The following MCM9 variants were observed in gnomAD, a reference collection of about 807,000 sequenced individuals.
The protein encoded by MCM9 is DNA helicase MCM9.
In MCM9, 55 loss-of-function variants were observed where a neutral mutation model predicts 72.8. The observed-to-expected ratio is 0.76, with a 90% CI of 0.61 to 0.95. MCM9 has a LOEUF of 0.95. MCM9 is among the 40% of genes least tolerant of loss of function. MCM9 has a pLI of 0.00. For synonymous variants in MCM9, 480 were observed against 503.4 expected (o/e 0.95, Z 0.62); for missense variants, 1,279 against 1,377.0 (o/e 0.93, Z 1.13).
chr6:118,920,244 T>TA (rs952581097), intron 5 of MCM9: 1 of 152,198 alleles, frequency 6.6e-6, no homozygotes, highest in Admixed American at 6.5e-5. Flanking sequence ...TGGGGTTGCT[T>TA]AGCAGGCAAT....
Position 118,907,261 on chromosome 6 carries a change from TACTTA to T in MCM9, c.1150+4384_1150+4388del, listed in dbSNP as rs374076893. The T allele has an allele frequency of 1.4e-3, 880 of 615,830 alleles. 8 individuals are homozygous for T. In the African/African-American group the frequency reaches 0.015, roughly 11 times the overall value. 38.1% of individuals were successfully genotyped at this position (615,830 alleles called of 1,614,324 possible). The stretch of plus-strand genomic sequence containing the variant: ...TACATCTTATTAGTTATATTTAAGG[TACTTA>T]ACTTGAATTATACCTTTGTATATGA... On this transcript the variant is annotated intron_variant, in intron 8 of 13. Transcript: ENST00000619706.
chr6:118,902,776 G>T (rs1407090877), intron 8 of MCM9, among the ~76,000 whole-genome samples: 3 of 152,132 alleles, frequency 2.0e-5, no homozygotes, highest in Admixed American at 6.5e-5. Context: ...CAGCCTAAAG[G>T]TTTTACAGAA....
chr6:118,888,496 G>A (rs1187744508), intron 8 of MCM9, among the ~76,000 whole-genome samples: 1 of 151,960 alleles, frequency 6.6e-6, no homozygotes, highest in Non-Finnish European at 1.5e-5. Flanking sequence ...AAAACAAACA[G>A]ACAAACAAAC....
At chr6:118,831,457 G>T (rs778953167) in intron 9 of MCM9, among the ~76,000 whole-genome samples, 5 of 152,042 alleles carry the variant, frequency 3.3e-5, no homozygotes, top group Non-Finnish European at 4.4e-5. Flanking sequence ...AAATACGGGA[G>T]TGGGCAGAGG....
intron 5 of MCM9, chr6:118,921,745 C>A (rs1223524015): frequency 3.4e-6 from 1 of 293,378 alleles, no homozygotes; most frequent in Admixed American, 5.2e-5. Flanking sequence ...TCCAGTTATG[C>A]CACTTAACTC....
chr6:118,920,024 TTAA>T (rs1481371648), intron 5 of MCM9: 2 of 152,244 alleles, frequency 1.3e-5, no homozygotes, highest in Non-Finnish European at 2.9e-5. Context: ...TCCTTCATTA[TTAA>T]TGACATTTGA....
chr6:118,854,879 T>C (rs146494899), intron 9 of MCM9, among the ~76,000 whole-genome samples: 31 of 152,358 alleles, frequency 2.0e-4, no homozygotes, highest in Non-Finnish European at 3.2e-4. Flanking sequence ...CCTTTTTATA[T>C]AGTATTGGAT....
chr6:118,890,538 T>TA, intron 8 of MCM9, among the ~76,000 whole-genome samples: 1 of 152,380 alleles, frequency 6.6e-6, no homozygotes, highest in African/African-American at 2.4e-5. Context: ...TTTGATTAGT[T>TA]ACCTTTCCTA....
rs1240476868 is a variant in MCM9 at position 118,816,240 on chromosome 6, A to T, written c.2016T>A (p.Thr672=). Residue 672 remains threonine (T), a synonymous_variant, in exon 14 of 14, where the codon ACT becomes ACA. Coordinates refer to ENST00000619706, the MANE Select transcript of MCM9 (RefSeq NM_017696.3). ...QSQPRVLEVE[T]TPGSLRNGPG... ...GACCATTTCTCAAGGATCCTGGAGT[A>T]GTCTCTACCTCCAATACCCGTGGTT... 6.5e-7 allele frequency: 1 copy of T among 1,550,132 alleles called. No homozygotes were observed. Among genetic ancestry groups the T allele is most frequent in the African/African-American group, 1.4e-5 (1 of 73,036 alleles).
intron 8 of MCM9, among the ~76,000 whole-genome samples, chr6:118,904,653 T>C (rs1246574186): frequency 2.0e-5 from 3 of 152,248 alleles, no homozygotes; most frequent in African/African-American, 7.2e-5. Flanking sequence ...CACCTTACAA[T>C]AGCTTGATTT....
chr6:118,881,348 C>T (rs1778273566), intron 8 of MCM9, among the ~76,000 whole-genome samples: 1 of 152,088 alleles, frequency 6.6e-6, no homozygotes. Context: ...TTCCATTTCC[C>T]AACTAGTACC....
chr6:118,861,233 C>T (rs1279665653), intron 8 of MCM9, among the ~76,000 whole-genome samples: 3 of 152,182 alleles, frequency 2.0e-5, no homozygotes, highest in Non-Finnish European at 4.4e-5. Flanking sequence ...AAAGGGAACA[C>T]GATGGTGCCC....
chr6:118,928,400 G>C (rs1451096679), intron 3 of MCM9, among the ~76,000 whole-genome samples: 4 of 152,042 alleles, frequency 2.6e-5, no homozygotes, highest in Non-Finnish European at 4.4e-5. Flanking sequence ...AACAGAGTGA[G>C]ACTCCATCTC....
chr6:118,833,200 C>A (rs1774710012), intron 9 of MCM9, among the ~76,000 whole-genome samples: 1 of 152,126 alleles, frequency 6.6e-6, no homozygotes, highest in African/African-American at 2.4e-5. Flanking sequence ...GAAAAACTTC[C>A]TTCGGCAAAG....
At chr6:118,827,892 T>C in intron 11 of MCM9, 35 bp downstream of exon 11, 1 of 1,543,444 alleles carries the variant, frequency 6.5e-7, no homozygotes, top group Non-Finnish European at 8.8e-7. Flanking sequence ...ACACGCAGCA[T>C]TCAATACAAG....
chr6:118,876,530 A>G (rs912142902), intron 8 of MCM9, among the ~76,000 whole-genome samples: 1 of 152,226 alleles, frequency 6.6e-6, no homozygotes, highest in African/African-American at 2.4e-5. Flanking sequence ...TTGTAAACCT[A>G]AAACTACTCT....
intron 13 of MCM9, among the ~76,000 whole-genome samples, chr6:118,821,871 G>GT (rs1457677012): frequency 1.3e-5 from 2 of 151,898 alleles, no homozygotes; most frequent in Non-Finnish European, 2.9e-5. Flanking sequence ...ATTTCAGTAA[G>GT]TTGATCTTCA....
intron 8 of MCM9, among the ~76,000 whole-genome samples, chr6:118,868,676 C>A (rs1777380597): frequency 6.6e-6 from 1 of 152,206 alleles, no homozygotes; most frequent in Non-Finnish European, 1.5e-5. Context: ...TGCTCATCAT[C>A]ACTGGTCATT....
intron 13 of MCM9, among the ~76,000 whole-genome samples, chr6:118,825,472 G>C (rs1482080006): frequency 6.6e-6 from 1 of 152,090 alleles, no homozygotes; most frequent in Non-Finnish European, 1.5e-5. Context: ...CTTTGCAGCT[G>C]TTCCACTTTT....
Sources: gnomAD v4.1 joint callset for allele counts (sites outside exome capture counted in the v4.1 genomes callset) on GRCh38, gnomAD v4.1.1 for gene constraint, MANE v1.5 for transcripts, NCBI Gene and HGNC (gene_info 2026-07-23, HGNC 2026-07-21) for gene names.